Variants in RARB observed in about 807,000 individuals in gnomAD.
RARB encodes retinoic acid receptor beta.
A neutral mutation model predicts 51.9 loss-of-function variants in RARB; 17 were observed. That is an observed-to-expected ratio of 0.33 (90% CI 0.22 to 0.49). The LOEUF (loss-of-function observed/expected upper bound fraction) is 0.49, where lower values mean the gene tolerates loss of function less well. Ranked by LOEUF, RARB falls within the 20% of genes least tolerant of loss-of-function variation. The pLI, the probability that RARB is intolerant of heterozygous loss-of-function variation, is 0.99. For missense variants in RARB, 369 were observed against 550.8 expected, an observed-to-expected ratio of 0.67 and a Z score of 3.30; for synonymous variants, 215 against 195.4, an observed-to-expected ratio of 1.10 and a Z score of -0.84.
At chr3:24,881,931 T>C (rs1414180593) in intron 2 of RARB, among the ~76,000 whole-genome samples, 1 of 152,190 alleles carries the variant, frequency 6.6e-6, no homozygotes. Context: ...ATTGACTCAA[T>C]TTTTAGCTCT....
chr3:25,412,331 A>G (rs950355573), intron 5 of RARB, among the ~76,000 whole-genome samples: 7 of 152,194 alleles, frequency 4.6e-5, no homozygotes, highest in Non-Finnish European at 8.8e-5. Flanking sequence ...GAATGTTGCT[A>G]TTAACCAAGG....
At chr3:25,214,842 A>T (rs909098440) in intron 5 of RARB, among the ~76,000 whole-genome samples, 2 of 152,180 alleles carry the variant, frequency 1.3e-5, no homozygotes, top group Admixed American at 6.5e-5. Flanking sequence ...CCCCAGTGTC[A>T]TGTAGTTAGC....
At chr3:25,198,342 C>G (rs926681262) in intron 5 of RARB, among the ~76,000 whole-genome samples, 2 of 151,918 alleles carry the variant, frequency 1.3e-5, no homozygotes, top group South Asian at 2.1e-4. Flanking sequence ...ATTGGGGAAA[C>G]CCTGCAGGAA....
In RARB at chr3:25,563,195, C is replaced by T. The variant is rs555927215; in HGVS notation, c.449-6563C>T. On this transcript the variant is annotated intron_variant, in intron 3 of 7. Transcript: ENST00000330688. ...CTCCTGTCACCTTTTGAAGTACTTG[C>T]ACATATGCTACATGTTGCAGACTCA... 3.3e-5 allele frequency among the ~76,000 whole-genome samples: 5 copies of T among 152,322 alleles called. No homozygotes were observed. The East Asian group carries it at 9.6e-4, about 29-fold the overall frequency.
At chr3:24,921,976 C>CG (rs1559397191) in intron 2 of RARB, among the ~76,000 whole-genome samples, 2 of 152,160 alleles carry the variant, frequency 1.3e-5, no homozygotes, top group African/African-American at 4.8e-5. Context: ...CAGATCTCAG[C>CG]GGACAGTACT....
chr3:24,869,584 G>C (rs1702909571), intron 2 of RARB, among the ~76,000 whole-genome samples: 1 of 152,034 alleles, frequency 6.6e-6, no homozygotes, highest in Non-Finnish European at 1.5e-5. Flanking sequence ...GAATCATATT[G>C]TAAATTGACA....
chr3:25,204,121 T>A (rs1480810862), intron 5 of RARB, among the ~76,000 whole-genome samples: 2 of 152,162 alleles, frequency 1.3e-5, no homozygotes, highest in Admixed American at 6.5e-5. Flanking sequence ...GGAGGCTTTG[T>A]TCATTTCTTT....
chr3:25,177,620 G>C (rs1442504403), intron 5 of RARB, among the ~76,000 whole-genome samples: 1 of 152,190 alleles, frequency 6.6e-6, no homozygotes, highest in Non-Finnish European at 1.5e-5. Flanking sequence ...TCAAAAGCAA[G>C]TAAGAACAAT....
intron 4 of RARB, among the ~76,000 whole-genome samples, chr3:25,140,113 T>C (rs1447199874): frequency 1.3e-5 from 2 of 151,916 alleles, no homozygotes. Flanking sequence ...GTTTGTTTGT[T>C]TGAACACAAC....
intron 5 of RARB, among the ~76,000 whole-genome samples, chr3:25,197,749 A>G (rs866506114): frequency 2.6e-4 from 40 of 152,064 alleles, no homozygotes; most frequent in African/African-American, 7.9e-4. Context: ...TATCTCTACA[A>G]TTAAAAAAAT....
intron 2 of RARB, among the ~76,000 whole-genome samples, chr3:24,865,908 T>A (rs925707363): frequency 6.6e-6 from 1 of 152,174 alleles, no homozygotes; most frequent in African/African-American, 2.4e-5. Flanking sequence ...GTGAAACTTT[T>A]ATTTTTATGC....
At chr3:25,339,674 G>A (rs1477839679) in intron 5 of RARB, among the ~76,000 whole-genome samples, 3 of 151,556 alleles carry the variant, frequency 2.0e-5, no homozygotes, top group African/African-American at 7.3e-5. Flanking sequence ...ACCCACAAAG[G>A]CACAGGGATC....
chr3:24,927,070 T>C (rs139763554), intron 2 of RARB, among the ~76,000 whole-genome samples: 88 of 152,234 alleles, frequency 5.8e-4, no homozygotes, highest in African/African-American at 2.0e-3. Context: ...GCATGGCAGC[T>C]TGATCCAGTA....
At chr3:25,002,713 A>T (rs905284649) in intron 2 of RARB, among the ~76,000 whole-genome samples, 1 of 149,878 alleles carries the variant, frequency 6.7e-6, no homozygotes, top group South Asian at 2.1e-4. Context: ...ACATAAATCT[A>T]TATATGTGTC....
intron 2 of RARB, among the ~76,000 whole-genome samples, chr3:24,893,413 C>G (rs1703424178): frequency 6.6e-6 from 1 of 151,658 alleles, no homozygotes; most frequent in South Asian, 2.1e-4. Context: ...TTTTTTTTTG[C>G]CACCTACTCT....
chr3:25,327,501 A>T (rs536497159), intron 5 of RARB, among the ~76,000 whole-genome samples: 3 of 152,222 alleles, frequency 2.0e-5, no homozygotes, highest in Non-Finnish European at 4.4e-5. Flanking sequence ...GAAAATGACT[A>T]TCGACCTAGA....
At chr3:25,509,363 T>G (rs1697773448) in intron 3 of RARB, among the ~76,000 whole-genome samples, 1 of 152,192 alleles carries the variant, frequency 6.6e-6, no homozygotes, top group Non-Finnish European at 1.5e-5. Context: ...TACTGCTTCT[T>G]TTGGTGACAC....
rs146325645 is a variant in RARB, at chr3:25,507,484, T to C, written c.448+6161T>C. Among the ~76,000 whole-genome samples the C allele has an allele frequency of 1.3e-4, 20 of 152,316 alleles. No homozygotes were observed. The East Asian group carries it at 3.7e-3, about 28-fold the overall frequency. On this transcript the variant is annotated intron_variant, in intron 3 of 7. Transcript: ENST00000330688. Reference sequence around the variant, plus strand: ...TAACAGCCCAGGCGTGACATGAGAATTGATGCTTTTAATCCTGTTTAGACA... The same window carrying C: ...TAACAGCCCAGGCGTGACATGAGAACTGATGCTTTTAATCCTGTTTAGACA...
intron 5 of RARB, among the ~76,000 whole-genome samples, chr3:25,346,511 G>C (rs1705399245): frequency 7.0e-6 from 1 of 143,098 alleles, no homozygotes; most frequent in African/African-American, 2.9e-5. Context: ...TCTACTCCCT[G>C]TTTCCTGTAT....
Sources: allele counts gnomAD v4.1 joint callset (sites outside exome capture counted in the v4.1 genomes callset), GRCh38; gene constraint gnomAD v4.1.1; transcripts MANE v1.5; gene names NCBI Gene and HGNC (gene_info 2026-07-23, HGNC 2026-07-21).